Variants in DAB1 observed in about 807,000 individuals in gnomAD.
DAB1 encodes the protein DAB adaptor protein 1.
In DAB1, 15 loss-of-function variants were observed where a neutral mutation model predicts 64.6. The ratio of observed to expected loss-of-function variants is 0.23; its 90% CI spans 0.16 to 0.36. The LOEUF (loss-of-function observed/expected upper bound fraction) is 0.36. Ranked by LOEUF, DAB1 falls within the 10% of genes least tolerant of loss-of-function variation. The probability of loss-of-function intolerance (pLI) is 1.00; values close to 1 mark genes in which losing one functional copy is unlikely to be tolerated. For missense variants in DAB1, 596 were observed against 706.7 expected, an observed-to-expected ratio of 0.84 and a Z score of 1.78; for synonymous variants, 235 against 251.9, an observed-to-expected ratio of 0.93 and a Z score of 0.64.
intron 5 of DAB1, among the ~76,000 whole-genome samples, chr1:57,935,194 C>T (rs1221724963): frequency 3.3e-5 from 5 of 152,168 alleles, no homozygotes; most frequent in Non-Finnish European, 7.3e-5. Context: ...TGGTTAGGGG[C>T]ATCTGTTCAG....
intron 7 of DAB1, among the ~76,000 whole-genome samples, chr1:57,497,799 T>C (rs1025335586): frequency 2.0e-5 from 3 of 152,240 alleles, no homozygotes; most frequent in Non-Finnish European, 4.4e-5. Context: ...TTAGGATATG[T>C]TAAAGATTTT....
intron 1 of DAB1, among the ~76,000 whole-genome samples, chr1:57,883,213 C>T (rs777842486): frequency 1.3e-5 from 2 of 152,112 alleles, no homozygotes; most frequent in African/African-American, 2.4e-5. Flanking sequence ...CAACAAGAAC[C>T]GCCAACACAT....
Position 57,486,241 on chromosome 1 carries a change from C to A in DAB1, n.625+163351G>T, listed in dbSNP as rs370904019. On this transcript the variant is annotated intron_variant and non_coding_transcript_variant, in intron 7 of 20. Transcript: ENST00000485760. ...AGGGGCTCTGGGACATCGATATTGC[C>A]CAAATTGAGGCTCAGCTTTGGTTCG... Among the ~76,000 whole-genome samples the A allele has an allele frequency of 2.4e-4, 36 of 152,268 alleles. No homozygotes were observed. In the East Asian group the frequency reaches 3.9e-3, roughly 16 times the overall value.
chr1:58,531,608 C>A (rs1205528446), intron 1 of DAB1, among the ~76,000 whole-genome samples: 1 of 152,108 alleles, frequency 6.6e-6, no homozygotes, highest in Non-Finnish European at 1.5e-5. Flanking sequence ...AATATTGTCC[C>A]TTAACAAATA....
At chr1:58,065,988 T>G (rs1435733652) in intron 5 of DAB1, among the ~76,000 whole-genome samples, 2 of 152,232 alleles carry the variant, frequency 1.3e-5, no homozygotes, top group Non-Finnish European at 2.9e-5. Context: ...GTCTGCCCAC[T>G]GCACTCTCAG....
In DAB1 at chr1:57,585,789, T is replaced by A. The variant is rs377042395; in HGVS notation, n.625+63803A>T. 3.9e-5 allele frequency among the ~76,000 whole-genome samples: 6 copies of A among 152,368 alleles called. No individual in the cohort carries two copies. The South Asian group carries it at 8.3e-4, about 21-fold the overall frequency. ...ATATTACATCTTGATATAAATATGA[T>A]TACTACATGAACATATAATAAGTTA... On this transcript the variant is annotated intron_variant and non_coding_transcript_variant, in intron 7 of 20. Transcript: ENST00000485760.
chr1:57,753,673 T>C (rs1003628280), intron 6 of DAB1, among the ~76,000 whole-genome samples: 2 of 152,314 alleles, frequency 1.3e-5, no homozygotes, highest in African/African-American at 2.4e-5. Context: ...GTTGCCCTCT[T>C]TGCAAAACAT....
chr1:57,042,906 G>GAA lies in DAB1; in HGVS notation c.724-16865_724-16864dup, dbSNP rs1237624091. Reference sequence around the variant, plus strand: ...ACAGAGATATGGCATTTGTTATTAGGAACTCCAGAAAAAAGCTGTCACATC... The same window carrying GAA: ...ACAGAGATATGGCATTTGTTATTAGGAAAACTCCAGAAAAAAGCTGTCACATC... On this transcript the variant is annotated intron_variant, in intron 9 of 14. Transcript: ENST00000371236. 2.0e-5 allele frequency among the ~76,000 whole-genome samples: 3 copies of GAA among 151,902 alleles called. No homozygotes were observed. In the East Asian group the frequency reaches 5.8e-4, roughly 29 times the overall value.
chr1:58,487,449 T>C (rs965701783), intron 3 of DAB1, among the ~76,000 whole-genome samples: 2 of 152,330 alleles, frequency 1.3e-5, no homozygotes, highest in Non-Finnish European at 1.5e-5. Flanking sequence ...TTTTATCAAA[T>C]TGTCAAAACA....
chr1:58,311,884 G>A (rs1371027538), intron 4 of DAB1, among the ~76,000 whole-genome samples: 1 of 151,408 alleles, frequency 6.6e-6, no homozygotes, highest in African/African-American at 2.5e-5. Flanking sequence ...AACATTGGGG[G>A]GTGGGATGCT....
intron 4 of DAB1, among the ~76,000 whole-genome samples, chr1:58,262,783 A>T (rs1304992540): frequency 6.6e-6 from 1 of 152,164 alleles, no homozygotes; most frequent in Non-Finnish European, 1.5e-5. Flanking sequence ...TGCTTAATCC[A>T]ATAAAATATA....
chr1:58,025,849 T>G (rs1370960301), intron 5 of DAB1, among the ~76,000 whole-genome samples: 1 of 151,730 alleles, frequency 6.6e-6, no homozygotes. Context: ...GTCTCCAGCC[T>G]CATCTCTCAT....
chr1:58,524,831 G>A (rs906678501), intron 2 of DAB1, among the ~76,000 whole-genome samples: 1 of 152,154 alleles, frequency 6.6e-6, no homozygotes, highest in Non-Finnish European at 1.5e-5. Flanking sequence ...TAAACACAAT[G>A]AAAAATATGC....
At chr1:58,308,871 A>G (rs910904143) in intron 4 of DAB1, among the ~76,000 whole-genome samples, 2 of 152,122 alleles carry the variant, frequency 1.3e-5, no homozygotes, top group African/African-American at 4.8e-5. Context: ...CCCATATTCC[A>G]AGGTCTACCT....
At chr1:57,674,560 G>T (rs774360889) in intron 6 of DAB1, among the ~76,000 whole-genome samples, 5 of 152,062 alleles carry the variant, frequency 3.3e-5, no homozygotes, top group Non-Finnish European at 5.9e-5. Flanking sequence ...AGGGGTCAGC[G>T]GTCTTGTAGA....
At chr1:58,193,228 C>A (rs1311904775) in intron 4 of DAB1, among the ~76,000 whole-genome samples, 2 of 152,080 alleles carry the variant, frequency 1.3e-5, no homozygotes, top group African/African-American at 4.8e-5. Flanking sequence ...TTTAAAAGAA[C>A]CTGGTCCTTT....
At chr1:58,223,780 G>C (rs1381587788) in intron 4 of DAB1, among the ~76,000 whole-genome samples, 2 of 152,164 alleles carry the variant, frequency 1.3e-5, no homozygotes, top group African/African-American at 4.8e-5. Context: ...TGCTAATAAA[G>C]TGCACGATAT....
intron 4 of DAB1, among the ~76,000 whole-genome samples, chr1:58,332,988 G>A (rs1053127152): frequency 2.6e-5 from 4 of 152,266 alleles, no homozygotes; most frequent in African/African-American, 9.6e-5. Flanking sequence ...TCGGCTCACT[G>A]CAACCTCTGC....
chr1:58,070,242 T>G (rs1218014430), intron 5 of DAB1, among the ~76,000 whole-genome samples: 3 of 152,000 alleles, frequency 2.0e-5, no homozygotes, highest in African/African-American at 7.3e-5. Context: ...AGAAGAGAAA[T>G]CTCCACCAAA....
Sources: allele counts gnomAD v4.1 joint callset (sites outside exome capture counted in the v4.1 genomes callset), GRCh38; gene constraint gnomAD v4.1.1; transcripts MANE v1.5; gene names NCBI Gene and HGNC (gene_info 2026-07-23, HGNC 2026-07-21).